The following GLIS3 variants were observed in gnomAD, a reference collection of about 807,000 sequenced individuals.
GLIS3 encodes the protein GLIS family zinc finger 3, also known as zinc finger protein GLIS3.
In GLIS3, 53 loss-of-function variants were observed where a neutral mutation model predicts 78.6. The ratio of observed to expected loss-of-function variants is 0.67; its 90% confidence interval spans 0.54 to 0.85. The LOEUF (loss-of-function observed/expected upper bound fraction) is 0.85, where lower values mean the gene tolerates loss of function less well. GLIS3 is among the 40% of genes least tolerant of loss of function. The pLI is 0.00. For synonymous variants in GLIS3, 684 were observed against 509.9 expected (o/e 1.34, Z -4.60); for missense variants, 1,703 against 1,231.1 (o/e 1.38, Z -5.74).
chr9:4,479,171 C>A, the GLIS3 span, among the ~76,000 whole-genome samples: 1 of 152,194 alleles, frequency 6.6e-6, no homozygotes, highest in African/African-American at 2.4e-5. Context: ...AGCAGTCCAC[C>A]TGCCTCAGCC....
chr9:4,417,018 G>C, the GLIS3 span, among the ~76,000 whole-genome samples: 5 of 151,728 alleles, frequency 3.3e-5, no homozygotes, highest in African/African-American at 9.7e-5. Flanking sequence ...TTCTTTGTTG[G>C]GCTTAATTCC....
At chr9:4,356,344 A>C in the GLIS3 span, among the ~76,000 whole-genome samples, 1 of 152,212 alleles carries the variant, frequency 6.6e-6, no homozygotes, top group African/African-American at 2.4e-5. Flanking sequence ...CTCCAGCTAC[A>C]CTTTAAAGAG....
chr9:3,849,908 C>CAAAAA (rs574534035), intron 9 of GLIS3, among the ~76,000 whole-genome samples: 9 of 138,584 alleles, frequency 6.5e-5, no homozygotes, highest in African/African-American at 2.4e-4. Flanking sequence ...GACTCCATCT[C>CAAAAA]AAAAAAAAAA....
At chr9:4,027,178 G>T (rs918147906) in intron 4 of GLIS3, among the ~76,000 whole-genome samples, 1 of 152,216 alleles carries the variant, frequency 6.6e-6, no homozygotes, top group Non-Finnish European at 1.5e-5. Flanking sequence ...GGGATGCAAT[G>T]TTAGCAACCT....
intron 4 of GLIS3, among the ~76,000 whole-genome samples, chr9:4,047,312 T>C (rs1825333343): frequency 6.6e-6 from 1 of 152,174 alleles, no homozygotes; most frequent in Non-Finnish European, 1.5e-5. Context: ...CAATTAAACC[T>C]CTTTCCTTTA....
At chr9:3,837,114 C>T (rs1818400324) in intron 9 of GLIS3, among the ~76,000 whole-genome samples, 2 of 152,204 alleles carry the variant, frequency 1.3e-5, no homozygotes, top group Admixed American at 6.5e-5. Context: ...ATGTCACATC[C>T]ATTGTAACCA....
At chr9:4,211,314 A>G (rs114204943) in intron 2 of GLIS3, among the ~76,000 whole-genome samples, 1,560 of 152,328 alleles carry the variant, frequency 0.01, 27 homozygotes, top group African/African-American at 0.036. Flanking sequence ...TTCTCACTGG[A>G]TGGCTGTCAA....
intron 8 of GLIS3, among the ~76,000 whole-genome samples, chr9:3,856,887 T>C (rs1438659108): frequency 6.6e-6 from 1 of 152,108 alleles, no homozygotes; most frequent in Non-Finnish European, 1.5e-5. Flanking sequence ...GTGGGGGACA[T>C]GTTGATGTTT....
chr9:4,448,462 G>C, the GLIS3 span, among the ~76,000 whole-genome samples: 1 of 152,210 alleles, frequency 6.6e-6, no homozygotes, highest in South Asian at 2.1e-4. Context: ...GAGCCAACTA[G>C]CAAAGTGGCT....
chr9:4,231,238 C>T (rs1042085047), intron 2 of GLIS3, among the ~76,000 whole-genome samples: 2 of 152,004 alleles, frequency 1.3e-5, no homozygotes, highest in African/African-American at 4.8e-5. Context: ...GTCAACTGAA[C>T]TAGAAAAACT....
intron 2 of GLIS3, among the ~76,000 whole-genome samples, chr9:4,193,681 G>A (rs1586935417): frequency 2.6e-5 from 4 of 152,350 alleles, no homozygotes; most frequent in African/African-American, 9.6e-5. Context: ...AACTAGGGAA[G>A]ATGGTGGTGT....
intron 4 of GLIS3, among the ~76,000 whole-genome samples, chr9:4,037,646 G>A (rs1196135614): frequency 6.6e-6 from 1 of 151,510 alleles, no homozygotes; most frequent in Non-Finnish European, 1.5e-5. Flanking sequence ...TATGATCTAA[G>A]CACTAGGAGA....
intron 5 of GLIS3, among the ~76,000 whole-genome samples, chr9:3,936,612 G>GA (rs59641098): frequency 7.5e-4 from 110 of 146,504 alleles, no homozygotes; most frequent in South Asian, 2.6e-3. Flanking sequence ...AACCAGGGTA[G>GA]AAAAAAAAAA....
chr9:4,283,212 T>C (rs766585979), intron 2 of GLIS3, among the ~76,000 whole-genome samples: 2 of 152,044 alleles, frequency 1.3e-5, no homozygotes, highest in Admixed American at 6.5e-5. Context: ...TATGTGGCCA[T>C]ATCATTCTGA....
intron 9 of GLIS3, among the ~76,000 whole-genome samples, chr9:3,844,387 G>T (rs1195874743): frequency 6.6e-6 from 1 of 152,094 alleles, no homozygotes. Context: ...GTCCAACAGA[G>T]GAACGCCTAG....
At chr9:4,341,344 T>A (rs1419813342) in intron 2 of GLIS3, among the ~76,000 whole-genome samples, 1 of 152,238 alleles carries the variant, frequency 6.6e-6, no homozygotes, top group African/African-American at 2.4e-5. Flanking sequence ...CTTGTAGTTA[T>A]CAGGCAACAT....
the GLIS3 span, among the ~76,000 whole-genome samples, chr9:4,436,810 C>CAATAAAAAAAAAAA: frequency 1.9e-5 from 1 of 53,574 alleles, no homozygotes; most frequent in African/African-American, 7.3e-5. Context: ...GACTGCATCT[C>CAATAAAAAAAAAAA]AAAAAAAAAA....
At chr9:4,289,949 G>C (rs1828311202) in intron 1 of GLIS3, among the ~76,000 whole-genome samples, 2 of 152,094 alleles carry the variant, frequency 1.3e-5, no homozygotes, top group Non-Finnish European at 2.9e-5. Flanking sequence ...TAGTTTTTCT[G>C]AAAATGCGTG....
chr9:4,331,176 T>C (rs1178226364), intron 2 of GLIS3, among the ~76,000 whole-genome samples: 1 of 152,154 alleles, frequency 6.6e-6, no homozygotes, highest in African/African-American at 2.4e-5. Flanking sequence ...CCCTGAAAGC[T>C]CTAGAGATGA....
Sources: allele counts gnomAD v4.1 joint callset (sites outside exome capture counted in the v4.1 genomes callset), GRCh38; gene constraint gnomAD v4.1.1; transcripts MANE v1.5; gene names NCBI Gene and HGNC (gene_info 2026-07-23, HGNC 2026-07-21).